The following LRRC4C variants were observed in gnomAD, a reference collection of about 807,000 sequenced individuals.
The protein encoded by LRRC4C is leucine rich repeat containing 4C.
In LRRC4C, 5 loss-of-function variants were observed where a neutral mutation model predicts 33.6. The observed-to-expected ratio is 0.15, with a 90% CI of 0.08 to 0.31. LRRC4C has a LOEUF of 0.31. Ranked by LOEUF, LRRC4C falls within the 10% of genes least tolerant of loss-of-function variation. LRRC4C has a pLI of 1.00. For synonymous variants in LRRC4C, 329 were observed against 302.0 expected (o/e 1.09, Z -0.93); for missense variants, 560 against 796.7 (o/e 0.70, Z 3.58).
At chr11:40,173,309 C>G (rs1860200939) in intron 5 of LRRC4C, among the ~76,000 whole-genome samples, 1 of 152,158 alleles carries the variant, frequency 6.6e-6, no homozygotes, top group Non-Finnish European at 1.5e-5. Flanking sequence ...TGGTTTACTG[C>G]TATAGATCAC....
intron 1 of LRRC4C, among the ~76,000 whole-genome samples, chr11:41,085,274 A>G (rs897684773): frequency 6.6e-6 from 1 of 152,090 alleles, no homozygotes; most frequent in African/African-American, 2.4e-5. Context: ...AAAAGTAAAC[A>G]CCACGTCATC....
At chr11:40,541,162 G>A (rs888077728) in intron 3 of LRRC4C, among the ~76,000 whole-genome samples, 5 of 152,042 alleles carry the variant, frequency 3.3e-5, no homozygotes, top group Admixed American at 3.3e-4. Context: ...TTAACTTGGG[G>A]GCTAATATTT....
At position 41,052,765 on chromosome 11, in the gene LRRC4C, T is replaced by G. The variant is rs75772922; in HGVS notation, c.-495-119042A>C. ...AAGTAAGTTGCCAGATTCTTTATTCTGAAATTTTTGCCCTTACCTTTTTTG... is the reference window on the plus strand; with the variant it reads ...AAGTAAGTTGCCAGATTCTTTATTCGGAAATTTTTGCCCTTACCTTTTTTG... On this transcript the variant is annotated intron_variant, in intron 1 of 6. Coordinates refer to ENST00000528697, the MANE Select transcript of LRRC4C (RefSeq NM_001258419.2). 1.3e-4 allele frequency among the ~76,000 whole-genome samples: 20 copies of G among 152,340 alleles called. No individual in the cohort carries two copies. The East Asian group carries it at 3.9e-3, about 29-fold the overall frequency.
intron 3 of LRRC4C, among the ~76,000 whole-genome samples, chr11:40,389,508 A>G (rs888851933): frequency 6.6e-6 from 1 of 151,968 alleles, no homozygotes; most frequent in Non-Finnish European, 1.5e-5. Flanking sequence ...TTTTTTCACT[A>G]TTGTTTTCTC....
At chr11:40,565,109 G>C (rs11035930) in intron 3 of LRRC4C, among the ~76,000 whole-genome samples, 32,746 of 152,084 alleles carry the variant, frequency 0.22, 4,110 homozygotes, top group East Asian at 0.54. Context: ...TTGCTGCTCT[G>C]AAATTAAACT....
At chr11:40,648,010 T>A (rs1565596267) in intron 3 of LRRC4C, 132 bp downstream of exon 3, 1 of 152,138 alleles carries the variant, frequency 6.6e-6, no homozygotes, top group East Asian at 1.9e-4. Context: ...TCCACATGTG[T>A]ACATTCGGGA....
intron 2 of LRRC4C, among the ~76,000 whole-genome samples, chr11:40,861,967 G>C (rs1311443109): frequency 6.6e-6 from 1 of 152,134 alleles, no homozygotes; most frequent in Non-Finnish European, 1.5e-5. Flanking sequence ...CTTCCACCAG[G>C]TCCCACCTCT....
At chr11:41,030,032 A>G (rs1265703612) in intron 1 of LRRC4C, among the ~76,000 whole-genome samples, 1 of 151,860 alleles carries the variant, frequency 6.6e-6, no homozygotes, top group African/African-American at 2.4e-5. Context: ...AAACTTCAAA[A>G]GGAAAATAGC....
At chr11:41,252,256 T>C (rs904034128) in intron 1 of LRRC4C, among the ~76,000 whole-genome samples, 1 of 152,276 alleles carries the variant, frequency 6.6e-6, no homozygotes, top group East Asian at 1.9e-4. Context: ...ATACGTTTCC[T>C]AATTGGTACT....
chr11:40,868,099 G>A (rs1179504607), intron 2 of LRRC4C, among the ~76,000 whole-genome samples: 5 of 152,076 alleles, frequency 3.3e-5, no homozygotes, highest in African/African-American at 1.2e-4. Flanking sequence ...AAGCCTATGA[G>A]GCTTTTCTTG....
intron 5 of LRRC4C, among the ~76,000 whole-genome samples, chr11:40,175,143 C>T (rs1489015155): frequency 2.6e-5 from 4 of 152,202 alleles, no homozygotes; most frequent in African/African-American, 9.7e-5. Flanking sequence ...GTACTAACAT[C>T]ACGAAGCAGT....
chr11:41,333,502 A>G (rs1393331380), intron 1 of LRRC4C, among the ~76,000 whole-genome samples: 1 of 152,204 alleles, frequency 6.6e-6, no homozygotes, highest in Admixed American at 6.5e-5. Context: ...TATGTAATTT[A>G]TGCAGGGATA....
At position 41,174,960 on chromosome 11, in the gene LRRC4C, C is replaced by T. The variant is rs548520746; in HGVS notation, c.-495-241237G>A. Reference sequence around the variant, plus strand: ...ACAAACCAGAGCATTTAATTAATGCCTTTAATTAATTAAATTAATTTAATT... The same window carrying T: ...ACAAACCAGAGCATTTAATTAATGCTTTTAATTAATTAAATTAATTTAATT... On this transcript the variant is annotated intron_variant, in intron 1 of 6. Coordinates refer to ENST00000528697, the MANE Select transcript of LRRC4C (RefSeq NM_001258419.2). Among the ~76,000 whole-genome samples the T allele has an allele frequency of 3.3e-3, 504 of 151,980 alleles. 1 individual carries two copies. The highest frequency in any genetic ancestry group is 6.0e-3 in the Non-Finnish European group (408 of 67,950).
At chr11:40,926,164 C>T (rs1053252501) in intron 2 of LRRC4C, among the ~76,000 whole-genome samples, 5 of 152,002 alleles carry the variant, frequency 3.3e-5, no homozygotes, top group African/African-American at 9.7e-5. Context: ...AGTACAAATG[C>T]CAAATTCATC....
Position 40,937,480 on chromosome 11 carries a change from T to TA in LRRC4C, c.-495-3758dup, listed in dbSNP as rs1002004013. 4.0e-4 allele frequency among the ~76,000 whole-genome samples: 60 copies of TA among 150,988 alleles called. 2 individuals carry two copies. Among genetic ancestry groups the TA allele is most frequent in the Middle Eastern group, 3.4e-3 (1 of 290 alleles). ...TGTCTAATATAATAAAAGTTGAAAT[T>TA]AAAAAAAAATACAGAGTAACTAATA... On this transcript the variant is annotated intron_variant, in intron 1 of 6. Transcript: ENST00000528697.
intron 2 of LRRC4C, among the ~76,000 whole-genome samples, chr11:40,697,805 C>T (rs528196571): frequency 1.3e-5 from 2 of 152,220 alleles, no homozygotes; most frequent in South Asian, 2.1e-4. Flanking sequence ...TGCCATGGCT[C>T]ACACCTGTAA....
At chr11:41,189,023 A>G (rs1337433053) in intron 1 of LRRC4C, among the ~76,000 whole-genome samples, 1 of 151,980 alleles carries the variant, frequency 6.6e-6, no homozygotes, top group African/African-American at 2.4e-5. Flanking sequence ...ATCAATAACA[A>G]GAATATTTCT....
chr11:40,623,515 A>T (rs1962655665), intron 3 of LRRC4C, among the ~76,000 whole-genome samples: 3 of 152,008 alleles, frequency 2.0e-5, no homozygotes. Context: ...TGGAAGGCCT[A>T]AAGTAACTAG....
intron 2 of LRRC4C, among the ~76,000 whole-genome samples, chr11:40,883,423 G>A (rs1955282932): frequency 6.6e-6 from 1 of 151,902 alleles, no homozygotes; most frequent in Admixed American, 6.6e-5. Context: ...ACTCACATTC[G>A]AAAAGATTTC....
Sources: allele counts gnomAD v4.1 joint callset (sites outside exome capture counted in the v4.1 genomes callset), GRCh38; gene constraint gnomAD v4.1.1; transcripts MANE v1.5; gene names NCBI Gene and HGNC (gene_info 2026-07-23, HGNC 2026-07-21).